The following MREG variants were observed in gnomAD, a reference collection of about 807,000 sequenced individuals.
MREG encodes dilute suppressor protein homolog.
MREG carries 31 observed loss-of-function variants against 28.5 expected under a neutral mutation model. That is an observed-to-expected ratio of 1.09 (90% CI 0.82 to 1.47). MREG has a LOEUF of 1.47. Ranked by LOEUF, MREG falls within the 40% of genes most tolerant of loss-of-function variation. The pLI is 0.00. For missense variants in MREG, 256 were observed against 257.4 expected, an observed-to-expected ratio of 0.99 and a Z score of 0.04; for synonymous variants, 106 against 95.2, an observed-to-expected ratio of 1.11 and a Z score of -0.66.
Position 215,943,612 on chromosome 2 carries a change from C to G in MREG, c.*1251G>C, listed in dbSNP as rs1692237131. 7 of 406,214 alleles carry G rather than the reference C, an allele frequency of 1.7e-5. No individual in the cohort carries two copies. Among genetic ancestry groups the G allele is most frequent in the South Asian group, 1.3e-4 (7 of 55,448 alleles). 25.2% of individuals were successfully genotyped at this position (406,214 alleles called of 1,614,324 possible). A position where few individuals can be genotyped will look rare whatever the true frequency, so the allele number is the denominator to read the frequency against. Reference sequence around the variant, plus strand: ...ATCCCAGCACTTTGGGAGGCTGGGGCAGGCGGATGACGAGGTCAGGAGATC... The same window carrying G: ...ATCCCAGCACTTTGGGAGGCTGGGGGAGGCGGATGACGAGGTCAGGAGATC... On this transcript the variant is annotated 3_prime_UTR_variant, in exon 5 of 5. Transcript: ENST00000263268.
rs536784698 is a variant in MREG at position 215,998,001 on chromosome 2, C to T, written c.96-1536G>A. On this transcript the variant is annotated intron_variant, in intron 1 of 4. Transcript: ENST00000263268. Reference sequence around the variant, plus strand: ...AGGTACAGGTCAGACTGCCAATCACCGCCTCAAATTTTGGAAGACAGGGCC... The same window carrying T: ...AGGTACAGGTCAGACTGCCAATCACTGCCTCAAATTTTGGAAGACAGGGCC... 8.5e-5 allele frequency among the ~76,000 whole-genome samples: 13 copies of T among 152,144 alleles called. No homozygotes were observed. The South Asian group carries it at 1.0e-3, about 12-fold the overall frequency.
At chr2:215,995,468 G>A (rs1345793369) in intron 2 of MREG, among the ~76,000 whole-genome samples, 3 of 151,594 alleles carry the variant, frequency 2.0e-5, no homozygotes, top group East Asian at 1.9e-4. Context: ...AAGAAACCTC[G>A]TTAAGGAAAA....
upstream of MREG, among the ~76,000 whole-genome samples, chr2:216,016,452 T>G (rs1443850529): frequency 4.6e-5 from 7 of 152,324 alleles, no homozygotes; most frequent in African/African-American, 1.4e-4. Context: ...TGAGTTGGAT[T>G]TGCTGAGAAT....
chr2:215,949,083 ACT>A (rs773535850), intron 2 of MREG, among the ~76,000 whole-genome samples: 5,380 of 120,486 alleles, frequency 0.045, 127 homozygotes, highest in Non-Finnish European at 0.05. Context: ...TACTACTACT[ACT>A]ACTAATAATA....
At chr2:215,984,518 CAAAAAAAAAAAAAA>C (rs375220091) in intron 2 of MREG, among the ~76,000 whole-genome samples, 1 of 68,064 alleles carries the variant, frequency 1.5e-5, no homozygotes. Flanking sequence ...ACCTTGTCAC[CAAAAAAAAAAAAAA>C]AAAAAAAAAA....
At chr2:216,025,708 G>A (rs187368347) in intron 1 of MREG, among the ~76,000 whole-genome samples, 71 of 152,354 alleles carry the variant, frequency 4.7e-4, no homozygotes, top group Non-Finnish European at 5.7e-4. Context: ...CCAGAAATGG[G>A]CTGACAGCTA....
intron 1 of MREG, among the ~76,000 whole-genome samples, chr2:216,018,764 T>C (rs1416176911): frequency 6.6e-6 from 1 of 152,230 alleles, no homozygotes; most frequent in Non-Finnish European, 1.5e-5. Context: ...TGTTTCTACC[T>C]GTGTAGTATC....
At chr2:215,949,087 C>CTAATAA (rs58773562) in intron 2 of MREG, among the ~76,000 whole-genome samples, 1,692 of 124,506 alleles carry the variant, frequency 0.014, 21 homozygotes, top group Admixed American at 0.017. Flanking sequence ...ACTACTACTA[C>CTAATAA]TAATAATAAT....
chr2:215,940,268 T>C (rs1344223064), downstream of MREG, among the ~76,000 whole-genome samples: 1 of 152,226 alleles, frequency 6.6e-6, no homozygotes, highest in Non-Finnish European at 1.5e-5. Context: ...AATAGCAAGT[T>C]CAAAGTGGCT....
At chr2:215,990,183 C>T in intron 2 of MREG, among the ~76,000 whole-genome samples, 1 of 152,214 alleles carries the variant, frequency 6.6e-6, no homozygotes, top group East Asian at 1.9e-4. Flanking sequence ...GACCATCAGA[C>T]TAACAGCGGA....
chr2:215,992,499 C>T (rs575981556), intron 2 of MREG, among the ~76,000 whole-genome samples: 10 of 152,222 alleles, frequency 6.6e-5, no homozygotes, highest in South Asian at 2.1e-4. Flanking sequence ...CTTTGAAAAC[C>T]GGCACAAGAC....
intron 2 of MREG, among the ~76,000 whole-genome samples, chr2:215,970,323 T>C (rs1225191923): frequency 6.6e-6 from 1 of 152,154 alleles, no homozygotes; most frequent in African/African-American, 2.4e-5. Context: ...AACCAACCCT[T>C]CATCTCAGAC....
intron 2 of MREG, among the ~76,000 whole-genome samples, chr2:215,990,147 A>T (rs1230302622): frequency 6.6e-6 from 1 of 152,198 alleles, no homozygotes; most frequent in African/African-American, 2.4e-5. Context: ...AGCCAGAGAG[A>T]AAGGTCGGGT....
chr2:215,949,078 CTACTACTACTAA>C lies in MREG; in HGVS notation c.256-1977_256-1966del, dbSNP rs1164076073. ...ACTACTACTACTACTACTACTACTA[CTACTACTACTAA>C]TAATAATAATAATAATACAAAAATT... is the stretch of plus-strand genomic sequence containing the variant. On this transcript the variant is annotated intron_variant, in intron 2 of 4. Transcript: ENST00000263268. 1.3e-3 allele frequency among the ~76,000 whole-genome samples: 114 copies of C among 88,952 alleles called. 1 individual carries two copies. The highest frequency in any genetic ancestry group is 2.2e-3 in the East Asian group (8 of 3,616). The allele number at this position is 88,952 out of a possible 152,430, so 58.4% of individuals were successfully genotyped here.
intron 2 of MREG, among the ~76,000 whole-genome samples, chr2:215,950,956 G>A (rs896067993): frequency 6.6e-6 from 1 of 152,112 alleles, no homozygotes; most frequent in African/African-American, 2.4e-5. Flanking sequence ...GTTTTCACAA[G>A]ATCTGGTTGT....
At position 215,945,568 on chromosome 2, in the gene MREG, T is replaced by C. The variant is rs1458979675; in HGVS notation, c.510+3A>G. 1 of 1,609,310 alleles carries C rather than the reference T, an allele frequency of 6.2e-7. No individual in the cohort carries two copies. The highest frequency in any genetic ancestry group is 8.5e-7 in the Non-Finnish European group (1 of 1,178,558). On this transcript the variant is annotated splice_donor_region_variant and intron_variant, in intron 4 of 4. Transcript: ENST00000263268. ...GGGCAAATGAAAAAAAGCATCCACT[T>C]ACCACAACAAAGAGATATCTCTCTG...
chr2:216,015,200 C>CGTGTGT (rs944930027), upstream of MREG, among the ~76,000 whole-genome samples: 1 of 151,188 alleles, frequency 6.6e-6, no homozygotes. Context: ...TGTGCGTGTG[C>CGTGTGT]GTGTGTGTGT....
At chr2:216,010,352 C>CTATTTTTTTTTTTT (rs1332869944) in intron 1 of MREG, among the ~76,000 whole-genome samples, 16 of 75,628 alleles carry the variant, frequency 2.1e-4, no homozygotes, top group African/African-American at 7.4e-4. Flanking sequence ...GAAAAGATTT[C>CTATTTTTTTTTTTT]TCTTTTTTTT....
intron 1 of MREG, among the ~76,000 whole-genome samples, chr2:216,005,009 G>C (rs565504861): frequency 6.6e-6 from 1 of 152,102 alleles, no homozygotes; most frequent in Non-Finnish European, 1.5e-5. Flanking sequence ...CTGAGGCAGG[G>C]GTGTGGGTGG....
Sources: gnomAD v4.1 joint callset for allele counts (sites outside exome capture counted in the v4.1 genomes callset) on GRCh38, gnomAD v4.1.1 for gene constraint, MANE v1.5 for transcripts, NCBI Gene and HGNC (gene_info 2026-07-23, HGNC 2026-07-21) for gene names.